PDE3A: variants seen among roughly 807,000 people sequenced by gnomAD.
The protein encoded by PDE3A is phosphodiesterase 3A.
In PDE3A, 43 loss-of-function variants were observed where a neutral mutation model predicts 98.3. The ratio of observed to expected loss-of-function variants is 0.44; its 90% CI spans 0.34 to 0.56. The LOEUF (loss-of-function observed/expected upper bound fraction) is 0.56. Ranked by LOEUF, PDE3A falls within the 20% of genes least tolerant of loss-of-function variation. The pLI, the probability that PDE3A is intolerant of heterozygous loss-of-function variation, is 0.01. For missense variants in PDE3A, 1,427 were observed against 1,440.7 expected, an observed-to-expected ratio of 0.99 and a Z score of 0.15; for synonymous variants, 663 against 567.9, an observed-to-expected ratio of 1.17 and a Z score of -2.38.
At chr12:20,679,112 A>G (rs1484806278) in intron 15 of PDE3A, among the ~76,000 whole-genome samples, 1 of 152,198 alleles carries the variant, frequency 6.6e-6, no homozygotes, top group Non-Finnish European at 1.5e-5. Flanking sequence ...GAAGGAATAT[A>G]TACTCTCAAG....
At chr12:20,478,454 G>A (rs1007000987) in intron 1 of PDE3A, among the ~76,000 whole-genome samples, 1 of 152,108 alleles carries the variant, frequency 6.6e-6, no homozygotes, top group Non-Finnish European at 1.5e-5. Context: ...GAGCCAATAG[G>A]CTGAGCAATA....
intron 1 of PDE3A, among the ~76,000 whole-genome samples, chr12:20,379,482 C>T (rs1006451340): frequency 6.6e-6 from 1 of 151,690 alleles, no homozygotes; most frequent in African/African-American, 2.4e-5. Flanking sequence ...CTAAGGAAGT[C>T]AGATTCAGAT....
chr12:20,575,781 G>A (rs1275992318), intron 2 of PDE3A, among the ~76,000 whole-genome samples: 2 of 151,716 alleles, frequency 1.3e-5, no homozygotes, highest in Non-Finnish European at 2.9e-5. Flanking sequence ...TAAGCTCAAA[G>A]TTCTTGATTT....
At chr12:20,440,198 G>A (rs777324817) in intron 1 of PDE3A, among the ~76,000 whole-genome samples, 1 of 152,148 alleles carries the variant, frequency 6.6e-6, no homozygotes, top group Non-Finnish European at 1.5e-5. Context: ...GTGATGGTGT[G>A]TAGGATATTG....
chr12:20,491,736 C>T (rs573393392), intron 1 of PDE3A, among the ~76,000 whole-genome samples: 34 of 152,204 alleles, frequency 2.2e-4, no homozygotes, highest in Non-Finnish European at 3.1e-4. Flanking sequence ...ATGGAAAGAC[C>T]TTGTAGTTAA....
chr12:20,672,727 A>G (rs1164572041), intron 15 of PDE3A, among the ~76,000 whole-genome samples: 1 of 131,464 alleles, frequency 7.6e-6, no homozygotes, highest in Non-Finnish European at 1.6e-5. Context: ...TAAACGTTAG[A>G]CCTAAAACCA....
intron 4 of PDE3A, among the ~76,000 whole-genome samples, chr12:20,619,863 A>C (rs1399266515): frequency 2.6e-5 from 4 of 152,226 alleles, no homozygotes; most frequent in African/African-American, 9.6e-5. Flanking sequence ...GAAATGGAAA[A>C]AAAAAATTGA....
At chr12:20,411,657 C>T (rs1383534569) in intron 1 of PDE3A, among the ~76,000 whole-genome samples, 1 of 113,468 alleles carries the variant, frequency 8.8e-6, no homozygotes, top group African/African-American at 2.7e-5. Flanking sequence ...ATCTGTAATG[C>T]GTGAATAGTC....
chr12:20,522,045 G>T (rs1035290311), intron 1 of PDE3A, among the ~76,000 whole-genome samples: 3 of 152,070 alleles, frequency 2.0e-5, no homozygotes, highest in African/African-American at 7.2e-5. Context: ...GATGGGATGG[G>T]GTTTCAGATG....
In PDE3A at chr12:20,369,180, A is replaced by ATCGT. The variant is rs138187101; in HGVS notation, c.-105_-104insTCGT. The ATCGT allele has an allele frequency of 8.0e-6, 5 of 626,962 alleles. No homozygotes were observed. The highest frequency in any genetic ancestry group is 3.2e-5 in the Admixed American group (1 of 31,154). 38.8% of individuals were successfully genotyped at this position (626,962 alleles called of 1,614,324 possible). A position where few individuals can be genotyped will look rare whatever the true frequency, so the allele number is the denominator to read the frequency against. Reference sequence around the variant, plus strand: ...GGATTCCGAGGGTGGAATTGGGAAGAGCGTGCGTGCGTGTGTGTGTGTGTG... The same window carrying ATCGT: ...GGATTCCGAGGGTGGAATTGGGAAGATCGTGCGTGCGTGCGTGTGTGTGTGTGTG... On this transcript the variant is annotated 5_prime_UTR_variant, in exon 1 of 16. Transcript: ENST00000359062.
intron 1 of PDE3A, among the ~76,000 whole-genome samples, chr12:20,465,887 A>G (rs1214718540): frequency 1.3e-5 from 2 of 152,150 alleles, no homozygotes; most frequent in Non-Finnish European, 2.9e-5. Context: ...AAGTGTTATA[A>G]ATAATACCAA....
In PDE3A at chr12:20,681,504, G is replaced by C. The variant is rs1945782950; in HGVS notation, c.*1233G>C. The C allele has an allele frequency of 6.6e-6, 1 of 152,132 alleles. No individual in the cohort carries two copies. The highest frequency in any genetic ancestry group is 1.9e-4 in the East Asian group (1 of 5,196). The allele number at this position is 152,132 out of a possible 1,614,324, so 9.4% of individuals were successfully genotyped here. On this transcript the variant is annotated 3_prime_UTR_variant, in exon 16 of 16. Coordinates refer to ENST00000359062, the MANE Select transcript of PDE3A (RefSeq NM_000921.5). Reference sequence around the variant, plus strand: ...GATGAAGGAGAATATTTCAACACAGGGTTTTTGTGTTGACATAGGAAAAGC... The same window carrying C: ...GATGAAGGAGAATATTTCAACACAGCGTTTTTGTGTTGACATAGGAAAAGC...
At chr12:20,677,202 A>G (rs1337274103) in intron 15 of PDE3A, among the ~76,000 whole-genome samples, 1 of 151,936 alleles carries the variant, frequency 6.6e-6, no homozygotes, top group African/African-American at 2.4e-5. Flanking sequence ...CTTTGTTTTT[A>G]TACCTGTCTC....
intron 3 of PDE3A, among the ~76,000 whole-genome samples, chr12:20,613,909 CTTTT>C (rs915407538): frequency 6.6e-6 from 1 of 152,072 alleles, no homozygotes; most frequent in Non-Finnish European, 1.5e-5. Context: ...GAAAATTTAT[CTTTT>C]TATGTTACCT....
chr12:20,545,867 C>T (rs1235231785), intron 1 of PDE3A, among the ~76,000 whole-genome samples: 1 of 151,690 alleles, frequency 6.6e-6, no homozygotes, highest in African/African-American at 2.4e-5. Context: ...ATTTATATGG[C>T]TTTTTGCTGT....
chr12:20,400,379 G>GTTTTTTTTTTTTTTTTTTTTTTT (rs75851941), intron 1 of PDE3A, among the ~76,000 whole-genome samples: 3 of 110,286 alleles, frequency 2.7e-5, no homozygotes, highest in Admixed American at 9.7e-5. Flanking sequence ...GTTAACATTG[G>GTTTTTTTTTTTTTTTTTTTTTTT]TTTTTTTTTT....
chr12:20,687,875 C>A lies in PDE3A; in HGVS notation c.*7604C>A, dbSNP rs889447554. On this transcript the variant is annotated 3_prime_UTR_variant, in exon 16 of 16. Coordinates refer to ENST00000359062, the MANE Select transcript of PDE3A (RefSeq NM_000921.5). ...GTATTAAAATGTGCTCTGATTTCTG[C>A]GGGCATTTGTTCTGACCAGTCATTA... Among the ~76,000 whole-genome samples the A allele has an allele frequency of 8.3e-6, 1 of 120,184 alleles. No individual in the cohort carries two copies. The highest frequency in any genetic ancestry group is 1.6e-5 in the Non-Finnish European group (1 of 61,790). 78.8% of individuals were successfully genotyped at this position (120,184 alleles called of 152,430 possible).
intron 1 of PDE3A, among the ~76,000 whole-genome samples, chr12:20,488,183 C>T (rs377076034): frequency 2.6e-5 from 4 of 151,998 alleles, no homozygotes; most frequent in East Asian, 1.9e-4. Context: ...TCCCAGTCAA[C>T]CTCTCTCTTT....
chr12:20,445,650 G>A (rs1403142768), intron 1 of PDE3A, among the ~76,000 whole-genome samples: 1 of 152,136 alleles, frequency 6.6e-6, no homozygotes, highest in African/African-American at 2.4e-5. Flanking sequence ...GAACGATCAA[G>A]GAACATGGGA....
Sources: gnomAD v4.1 joint callset for allele counts (sites outside exome capture counted in the v4.1 genomes callset) on GRCh38, gnomAD v4.1.1 for gene constraint, MANE v1.5 for transcripts, NCBI Gene and HGNC (gene_info 2026-07-23, HGNC 2026-07-21) for gene names.